Variants in CHL1 observed in about 807,000 individuals in gnomAD.
The protein encoded by CHL1 is cell adhesion molecule L1 like, also known as neural cell adhesion molecule L1-like protein.
A neutral mutation model predicts 141.9 loss-of-function variants in CHL1; 96 were observed. That is an observed-to-expected ratio of 0.68 (90% CI 0.57 to 0.80). The LOEUF (loss-of-function observed/expected upper bound fraction) is 0.80. CHL1 is among the 30% of genes least tolerant of loss of function. CHL1 has a pLI of 0.00. For missense variants in CHL1, 1,820 were observed against 1,457.2 expected (o/e 1.25, Z -4.05); for synonymous variants, 613 against 502.2 (o/e 1.22, Z -2.95).
At chr3:281,424 G>C (rs754102355) in intron 2 of CHL1, among the ~76,000 whole-genome samples, 1 of 152,136 alleles carries the variant, frequency 6.6e-6, no homozygotes, top group African/African-American at 2.4e-5. Context: ...TGGTAAAGTT[G>C]TGGTCATGTC....
chr3:300,352 C>A (rs1196059335), intron 2 of CHL1, among the ~76,000 whole-genome samples: 5 of 152,040 alleles, frequency 3.3e-5, no homozygotes, highest in Admixed American at 6.6e-5. Flanking sequence ...AGCTTATAGG[C>A]AGGCAGGAAC....
At chr3:316,238 C>G (rs74696525) in intron 2 of CHL1, among the ~76,000 whole-genome samples, 2 of 151,934 alleles carry the variant, frequency 1.3e-5, no homozygotes, top group African/African-American at 4.8e-5. Context: ...ACAGGTTGCT[C>G]TTTGTTAGAA....
chr3:331,475 C>T (rs918167037), intron 5 of CHL1, among the ~76,000 whole-genome samples: 7 of 152,194 alleles, frequency 4.6e-5, no homozygotes, highest in South Asian at 2.1e-4. Context: ...CTCCCAGCCT[C>T]GAGCAATCTT....
chr3:397,002 G>T (rs1708731689), intron 24 of CHL1, among the ~76,000 whole-genome samples: 1 of 152,120 alleles, frequency 6.6e-6, no homozygotes, highest in Non-Finnish European at 1.5e-5. Flanking sequence ...TTTGGCATTT[G>T]TTCAAAAAAT....
chr3:290,693 T>TAAAG (rs1270048558), intron 2 of CHL1, among the ~76,000 whole-genome samples: 2 of 152,122 alleles, frequency 1.3e-5, no homozygotes, highest in African/African-American at 4.8e-5. Context: ...ATAAACCCCT[T>TAAAG]TCCTCATTTG....
intron 2 of CHL1, among the ~76,000 whole-genome samples, chr3:317,772 G>A (rs927971588): frequency 3.3e-5 from 5 of 151,558 alleles, no homozygotes; most frequent in Non-Finnish European, 4.4e-5. Context: ...GTACAAATAC[G>A]TAGGACTCAC....
chr3:322,643 A>AT (rs1553564783), intron 3 of CHL1, among the ~76,000 whole-genome samples: 5 of 86,030 alleles, frequency 5.8e-5, no homozygotes, highest in East Asian at 2.8e-4. Flanking sequence ...ATATATATAT[A>AT]AAATATATAT....
At chr3:376,538 T>C (rs1394453000) in intron 15 of CHL1, 1 of 386,186 alleles carries the variant, frequency 2.6e-6, no homozygotes, top group African/African-American at 2.2e-5. Context: ...AGTGCAACCA[T>C]GACTTGCCAA....
Position 366,035 on chromosome 3 carries a change from C to G in CHL1, c.1671C>G (p.Asp557Glu). 2 of 1,611,878 alleles carry G rather than the reference C, an allele frequency of 1.2e-6. No homozygotes were observed. The highest frequency in any genetic ancestry group is 8.5e-7 in the Non-Finnish European group (1 of 1,178,030). ...MLELHCESKC[D>E]SHLKHSLKLS... ...AATTACATTGTGAAAGCAAATGTGA[C>G]TCACATTTGAAACACAGTTTGAAGT... is the stretch of plus-strand genomic sequence containing the variant. The change falls in exon 15 of 28, where the codon GAC becomes GAG. Residue 557 changes from aspartate to glutamate, a missense_variant. Transcript: ENST00000256509.
intron 2 of CHL1, among the ~76,000 whole-genome samples, chr3:279,300 G>C (rs1380941739): frequency 6.6e-6 from 1 of 151,736 alleles, no homozygotes; most frequent in South Asian, 2.1e-4. Context: ...TTCTATTTTG[G>C]ATCTTCTTAT....
intron 1 of CHL1, among the ~76,000 whole-genome samples, chr3:203,791 C>T (rs9878363): frequency 1.1e-4 from 16 of 152,286 alleles, no homozygotes; most frequent in East Asian, 3.9e-4. Flanking sequence ...GGCAGTAAGA[C>T]GGCAAGGGAG....
rs1167076932 is a variant in CHL1, at chr3:244,615, G to A, written c.-172G>A. Reference sequence around the variant, plus strand: ...ACAACTTTCTAATCTATCCCTAGGTGCTGTAAACTGCAAACCATAATCCTG... The same window carrying A: ...ACAACTTTCTAATCTATCCCTAGGTACTGTAAACTGCAAACCATAATCCTG... On this transcript the variant is annotated splice_region_variant and 5_prime_UTR_variant, in exon 2 of 28. Transcript: ENST00000256509. The A allele has an allele frequency of 6.6e-6, 1 of 152,170 alleles. No individual in the cohort carries two copies. The highest frequency in any genetic ancestry group is 1.5e-5 in the Non-Finnish European group (1 of 68,032). 9.4% of individuals were successfully genotyped at this position (152,170 alleles called of 1,614,324 possible). A position where few individuals can be genotyped will look rare whatever the true frequency, so the allele number is the denominator to read the frequency against.
chr3:389,121 G>A, intron 19 of CHL1, 131 bp from the exon 20 acceptor site: 1 of 738,412 alleles, frequency 1.4e-6, no homozygotes, highest in Non-Finnish European at 2.2e-6. Context: ...AAACCAAGAA[G>A]GGGGATTTAA....
At chr3:318,888 A>G (rs1700337078) in intron 2 of CHL1, among the ~76,000 whole-genome samples, 1 of 151,704 alleles carries the variant, frequency 6.6e-6, no homozygotes, top group Non-Finnish European at 1.5e-5. Flanking sequence ...AGTAAAAAAG[A>G]ACCACTTTTT....
At chr3:298,073 C>A (rs1306463589) in intron 2 of CHL1, among the ~76,000 whole-genome samples, 1 of 152,138 alleles carries the variant, frequency 6.6e-6, no homozygotes, top group Non-Finnish European at 1.5e-5. Context: ...TATATACAAC[C>A]AGTCTTTTCA....
chr3:400,531 A>G (rs1241084936), intron 26 of CHL1, among the ~76,000 whole-genome samples: 4 of 149,918 alleles, frequency 2.7e-5, no homozygotes, highest in African/African-American at 9.8e-5. Context: ...AGAATCTACT[A>G]GGTCTCTGCA....
chr3:328,327 T>A lies in CHL1; in HGVS notation c.358T>A (p.Ser120Thr). 3.1e-6 allele frequency: 5 copies of A among 1,611,642 alleles called. No homozygotes were observed. Among genetic ancestry groups the A allele is most frequent in the Non-Finnish European group, 4.2e-6 (5 of 1,178,748 alleles). ...TTCAAATAAACTGGGAATCGCTATG[T>A]CAGAAGAAATAGAATTTATAGTTCC... Reference protein sequence around the residue: ...FASNKLGIAMSEEIEFIVPSV... With the variant: ...FASNKLGIAMTEEIEFIVPSV... Residue 120 changes from serine to threonine, a missense_variant, in exon 5 of 28, where the codon TCA becomes ACA. Transcript: ENST00000256509.
intron 19 of CHL1, among the ~76,000 whole-genome samples, chr3:388,935 G>A (rs1559347284): frequency 6.6e-6 from 1 of 152,214 alleles, no homozygotes; most frequent in African/African-American, 2.4e-5. Context: ...TAAGCAAAAA[G>A]CTAAAACACT....
Position 288,302 on chromosome 3 carries a change from A to C in CHL1, c.-94-31381A>C, listed in dbSNP as rs1697355938. Among the ~76,000 whole-genome samples, 3 of 152,178 alleles carry C rather than the reference A, an allele frequency of 2.0e-5. No homozygotes were observed. The South Asian group carries it at 6.2e-4, about 32-fold the overall frequency. On this transcript the variant is annotated intron_variant, in intron 2 of 27. Coordinates refer to ENST00000256509, the MANE Select transcript of CHL1 (RefSeq NM_006614.4). ...CTCTCTAACTGCAGTCATCATATTA[A>C]ACTTTTGCAAATTTTAGGTGACAAA...
Sources: allele counts gnomAD v4.1 joint callset (sites outside exome capture counted in the v4.1 genomes callset), GRCh38; gene constraint gnomAD v4.1.1; transcripts MANE v1.5; gene names NCBI Gene and HGNC (gene_info 2026-07-23, HGNC 2026-07-21).